MYH7B: variants seen among roughly 807,000 people sequenced by gnomAD.
MYH7B encodes the protein myosin-7B.
Under a neutral mutation model 234.5 loss-of-function variants are expected in MYH7B, and 205 were observed. The observed-to-expected ratio is 0.87, with a 90% CI of 0.78 to 0.98. MYH7B has a LOEUF of 0.98. Ranked by LOEUF, MYH7B falls within the 50% of genes least tolerant of loss-of-function variation. The pLI is 0.00. For synonymous variants in MYH7B, 1,193 were observed against 1,105.0 expected (o/e 1.08, Z -1.58); for missense variants, 2,652 against 2,633.4 (o/e 1.01, Z -0.15).
At position 34,987,362 on chromosome 20, in the gene MYH7B, T is replaced by C. The variant is rs2082048524; in HGVS notation, c.1147+75T>C. On this transcript the variant is annotated intron_variant, in intron 16 of 44. Transcript: ENST00000262873. ...GTCCATGATGGTTAACCCCAACTCT[T>C]GTCCACAACCTTTAACCTCAGTCTT... 4 of 1,575,054 alleles carry C rather than the reference T, an allele frequency of 2.5e-6. No individual in the cohort carries two copies. The East Asian group carries it at 8.9e-5, about 35-fold the overall frequency.
At chr20:34,991,964 G>A (rs966223150) in intron 24 of MYH7B, among the ~76,000 whole-genome samples, 1 of 152,184 alleles carries the variant, frequency 6.6e-6, no homozygotes, top group Non-Finnish European at 1.5e-5. Context: ...TGCATGCTTT[G>A]TTTAATGAGT....
chr20:34,975,534 G>C (rs375254058), intron 3 of MYH7B, 35 bp downstream of exon 3: 18 of 712,230 alleles, frequency 2.5e-5, no homozygotes, highest in Non-Finnish European at 4.7e-5. Context: ...TTTACTTTGA[G>C]AAAATTCATC....
chr20:34,989,709 T>C (rs1179289506), intron 19 of MYH7B, 31 bp from the exon 20 acceptor site: 1 of 1,603,412 alleles, frequency 6.2e-7, no homozygotes, highest in South Asian at 1.1e-5. Context: ...ACTGGCTTGA[T>C]GGTGGCTTTT....
intron 28 of MYH7B, among the ~76,000 whole-genome samples, 196 bp from the exon 29 acceptor site, chr20:34,996,150 T>C (rs534546079): frequency 6.6e-6 from 1 of 152,278 alleles, no homozygotes; most frequent in Non-Finnish European, 1.5e-5. Flanking sequence ...GCACTGCGGG[T>C]GCATCCACTC....
In MYH7B at chr20:34,996,445, G is replaced by A. The variant is rs201233520; in HGVS notation, c.3043G>A (p.Gly1015Ser). ...GCAGGAGGCCCACCAACAGGCCCTG[G>A]GTGACCTGCAGGCCGAGGAGGACCG... The change falls in exon 29 of 45, where the codon GGT (glycine) becomes AGT (serine). Residue 1015 changes from glycine (G) to serine (S), a missense_variant. Transcript: ENST00000262873. The A allele has an allele frequency of 1.1e-3, 1,749 of 1,613,550 alleles. 2 individuals carry two copies. Among genetic ancestry groups the A allele is most frequent in the Non-Finnish European group, 1.4e-3 (1,602 of 1,179,928 alleles).
In MYH7B at chr20:34,991,084, T is replaced by C. The variant is rs759713687; in HGVS notation, c.2146T>C (p.Phe716Leu). ...GGGGATCCGGATCTGCCGCCAAGGG[T>C]TCCCCAACAGGTTGCTCTACACCGA... Residue 716 changes from phenylalanine (F) to leucine (L), a missense_variant, in exon 24 of 45, where the codon TTC (phenylalanine) becomes CTC (leucine). Phe to Leu is a conservative substitution (Grantham distance 22). Coordinates refer to ENST00000262873, the Ensembl canonical transcript of MYH7B. 25 of 1,613,196 alleles carry C rather than the reference T, an allele frequency of 1.5e-5. No individual in the cohort carries two copies. Among genetic ancestry groups the C allele is most frequent in the African/African-American group, 5.3e-5 (4 of 74,860 alleles).
At chr20:34,999,796 C>T (rs774987059) in exon 38 of MYH7B, 3 of 1,541,230 alleles carry the variant, frequency 1.9e-6, no homozygotes, top group Admixed American at 3.4e-5. Flanking sequence ...CACAGGGGGC[C>T]CTGGAGCTGG....
chr20:35,001,365 T>TC lies in MYH7B; in HGVS notation c.5580+19dup, dbSNP rs1419206513. 1 of 1,601,680 alleles carries TC rather than the reference T, an allele frequency of 6.2e-7. No individual in the cohort carries two copies. The highest frequency in any genetic ancestry group is 1.3e-5 in the African/African-American group (1 of 74,814). ...CGCATACCAGGTGGGCGACAGGGTC[T>TC]CCCTGGGGAGTGGCCCTGGAGCTGG... On this transcript the variant is annotated intron_variant, in intron 42 of 44. Transcript: ENST00000262873.
At chr20:34,988,249 A>T in exon 19 of MYH7B, 2 of 1,612,612 alleles carry the variant, frequency 1.2e-6, no homozygotes, top group Non-Finnish European at 1.7e-6. Context: ...CCTTGCATCG[A>T]CCTCATCGAG....
At chr20:34,962,750 C>T (rs1447871194) in intron 2 of MYH7B, among the ~76,000 whole-genome samples, 1 of 152,196 alleles carries the variant, frequency 6.6e-6, no homozygotes, top group Non-Finnish European at 1.5e-5. Flanking sequence ...GTCTCAGCTT[C>T]CCAAGTAGCT....
Position 35,000,306 on chromosome 20 carries a change from C to T in MYH7B, c.4795C>T (p.Arg1599Ter), listed in dbSNP as rs763221220. Reference sequence around the variant, plus strand: ...CTCCTCCCATAGGCGCAACCACCAGCGAGCTGTGGAGTCCCTGCAGGCCTC... The same window carrying T: ...CTCCTCCCATAGGCGCAACCACCAGTGAGCTGTGGAGTCCCTGCAGGCCTC... The change falls in exon 39 of 45, where the codon CGA becomes TGA. Residue 1599 changes from arginine (R) to a stop codon, truncating the protein, a stop_gained. Transcript: ENST00000262873. LOFTEE classifies it high-confidence loss of function. 1.7e-5 allele frequency: 27 copies of T among 1,579,554 alleles called. No homozygotes were observed. In the Middle Eastern group the frequency reaches 8.3e-4, roughly 49 times the overall value.
chr20:35,000,349 G>A lies in MYH7B; in HGVS notation c.4838G>A (p.Arg1613Gln), dbSNP rs766193444. Residue 1613 changes from arginine to glutamine, a missense_variant, in exon 39 of 45, where the codon CGG (arginine) becomes CAG (glutamine). This residue lies in a region of MYH7B where 2,279 missense variants were observed against 2,211.4 expected (regional missense o/e 1.03). Transcript: ENST00000262873. ...CAGGCCTCCCTGGATGCAGAGACAC[G>A]GGCCCGCAATGAGGCGCTGCGGCTC... The A allele has an allele frequency of 6.9e-6, 11 of 1,597,766 alleles. No individual in the cohort carries two copies. The highest frequency in any genetic ancestry group is 4.0e-5 in the African/African-American group (3 of 74,890).
chr20:34,976,252 A>G (rs998110430), intron 3 of MYH7B, among the ~76,000 whole-genome samples: 1 of 152,200 alleles, frequency 6.6e-6, no homozygotes, highest in Non-Finnish European at 1.5e-5. Flanking sequence ...TTTTGAATGT[A>G]GATGGTTGAA....
exon 6 of MYH7B, chr20:34,979,457 TACCGGGGGCAGAGTC>T: frequency 1.2e-6 from 2 of 1,613,972 alleles, no homozygotes; most frequent in Non-Finnish European, 1.7e-6. Flanking sequence ...AGTCGGAGGC[TACCGGGGGCAGAGTC>T]ACCGTGGAGA....
At chr20:34,991,273 G>C (rs1486940095) in intron 24 of MYH7B, 152 bp downstream of exon 24, 2 of 600,814 alleles carry the variant, frequency 3.3e-6, no homozygotes, top group African/African-American at 3.7e-5. Flanking sequence ...CAAGACATGG[G>C]GGTGGCTCAG....
chr20:34,975,422 C>T, exon 3 of MYH7B: 4 of 647,958 alleles, frequency 6.2e-6, no homozygotes, highest in Non-Finnish European at 5.7e-6. Context: ...GATGTGTTGC[C>T]CAGGCTGGTC....
chr20:34,990,838 G>A lies in MYH7B; in HGVS notation c.2065+13G>A. The A allele has an allele frequency of 1.9e-6, 3 of 1,613,964 alleles. No homozygotes were observed. In the East Asian group the frequency reaches 6.7e-5, roughly 36 times the overall value. On this transcript the variant is annotated intron_variant, in intron 23 of 44. Coordinates refer to ENST00000262873, the Ensembl canonical transcript of MYH7B. The stretch of plus-strand genomic sequence containing the variant: ...AACAAAACCCCAGGTAGTCACCCAG[G>A]GCTGGCCTGGCTGGGGCCGGGAGGC...
At chr20:34,988,319 A>AT in intron 19 of MYH7B, 57 bp downstream of exon 19, 1 of 1,558,092 alleles carries the variant, frequency 6.4e-7, no homozygotes, top group Non-Finnish European at 8.7e-7. Context: ...GTGAGCAAGC[A>AT]GGGATGGATG....
intron 32 of MYH7B, among the ~76,000 whole-genome samples, 185 bp from the exon 33 acceptor site, chr20:34,998,110 C>G (rs1181257448): frequency 6.6e-6 from 1 of 152,246 alleles, no homozygotes; most frequent in Non-Finnish European, 1.5e-5. Context: ...CCTGTCAGTT[C>G]TGACACCTGT....
Sources: allele counts gnomAD v4.1 joint callset (sites outside exome capture counted in the v4.1 genomes callset), GRCh38; gene constraint gnomAD v4.1.1; regional missense constraint gnomAD v4.1.1; transcripts MANE v1.5; gene names NCBI Gene and HGNC (gene_info 2026-07-23, HGNC 2026-07-21).